The following HMCN2 variants were observed in gnomAD, a reference collection of about 807,000 sequenced individuals.
HMCN2 encodes hemicentin 2.
HMCN2 carries 325 observed loss-of-function variants against 377.5 expected under a neutral mutation model. The observed-to-expected ratio is 0.86, with a 90% CI of 0.79 to 0.94. The LOEUF (loss-of-function observed/expected upper bound fraction) is 0.94, where lower values mean the gene tolerates loss of function less well. HMCN2 is among the 40% of genes least tolerant of loss of function. The probability of loss-of-function intolerance (pLI) is 0.00; values close to 1 mark genes in which losing one functional copy is unlikely to be tolerated. For missense variants in HMCN2, 4,543 were observed against 4,725.3 expected, an observed-to-expected ratio of 0.96 and a Z score of 1.13; for synonymous variants, 2,007 against 2,046.8, an observed-to-expected ratio of 0.98 and a Z score of 0.53.
chr9:130,315,611 C>G (rs1429934653), intron 15 of HMCN2, among the ~76,000 whole-genome samples: 1 of 151,182 alleles, frequency 6.6e-6, no homozygotes, highest in Non-Finnish European at 1.5e-5. Context: ...CCCTGCCATC[C>G]TCGGGAGCCA....
At chr9:130,401,612 C>A (rs1842857644) in intron 77 of HMCN2, among the ~76,000 whole-genome samples, 1 of 152,118 alleles carries the variant, frequency 6.6e-6, no homozygotes, top group Non-Finnish European at 1.5e-5. Context: ...TGTGAGCCAC[C>A]ATGCCTGGCC....
chr9:130,376,522 C>G lies in HMCN2; in HGVS notation c.7925C>G (p.Pro2642Arg), dbSNP rs1445572478. ...KNYHVEVLIP[P>R]SISKDDPLAE... ...GACCCCTCGTGCTTTTCAGTCCCCC[C>G]TTCCATCTCCAAAGACGACCCCTTG... The change falls in exon 52 of 98, where the codon CCT becomes CGT. Residue 2642 changes from proline (P) to arginine (R), a missense_variant. Pro to Arg is a moderately radical substitution (Grantham distance 103). Around this residue, in one of 5 missense-constraint regions of HMCN2, gnomAD observed 736 missense variants for 773.2 expected, o/e 0.95. Coordinates refer to ENST00000683500, the MANE Select transcript of HMCN2 (RefSeq NM_001291815.2). The G allele has an allele frequency of 1.0e-6, 1 of 985,798 alleles. No individual in the cohort carries two copies. Among genetic ancestry groups the G allele is most frequent in the Non-Finnish European group, 1.2e-6 (1 of 830,000 alleles). The allele number at this position is 985,798 out of a possible 1,614,324, so 61.1% of individuals were successfully genotyped here.
chr9:130,386,193 T>G (rs1351390604), intron 60 of HMCN2, among the ~76,000 whole-genome samples: 1 of 152,164 alleles, frequency 6.6e-6, no homozygotes, highest in East Asian at 1.9e-4. Context: ...AAGGGGGACC[T>G]CTTCCTGCCA....
chr9:130,388,414 C>T lies in HMCN2; in HGVS notation c.9397C>T (p.Pro3133Ser), dbSNP rs1243572481. The part of the protein sequence containing the change: ...RTFTLTVQVP[P>S]TFENPKTETV... Reference sequence around the variant, plus strand: ...GTCTGGCTTTCTTCCTGCAGTGCCCCCAACATTTGAGAACCCCAAGACAGA... The same window carrying T: ...GTCTGGCTTTCTTCCTGCAGTGCCCTCAACATTTGAGAACCCCAAGACAGA... The change falls in exon 62 of 98, where the codon CCA (proline) becomes TCA (serine). Residue 3133 changes from proline to serine, a missense_variant. Around this residue, in one of 5 missense-constraint regions of HMCN2, gnomAD observed 736 missense variants for 773.2 expected, o/e 0.95. Coordinates refer to ENST00000683500, the MANE Select transcript of HMCN2 (RefSeq NM_001291815.2). 2 of 987,820 alleles carry T rather than the reference C, an allele frequency of 2.0e-6. No homozygotes were observed. Among genetic ancestry groups the T allele is most frequent in the Non-Finnish European group, 2.4e-6 (2 of 830,114 alleles). 61.2% of individuals were successfully genotyped at this position (987,820 alleles called of 1,614,324 possible). A position where few individuals can be genotyped will look rare whatever the true frequency, so the allele number is the denominator to read the frequency against.
chr9:130,341,122 G>A lies in HMCN2; in HGVS notation c.3499G>A (p.Val1167Met), dbSNP rs1839024324. 6.6e-6 allele frequency: 1 copy of A among 152,594 alleles called. No homozygotes were observed. The highest frequency in any genetic ancestry group is 2.1e-4 in the South Asian group (1 of 4,838). The allele number at this position is 152,594 out of a possible 1,614,324, so 9.5% of individuals were successfully genotyped here. A position where few individuals can be genotyped will look rare whatever the true frequency, so the allele number is the denominator to read the frequency against. The change falls in exon 24 of 98, where the codon GTG (valine) becomes ATG (methionine). Residue 1167 changes from valine (V) to methionine (M), a missense_variant. Physicochemically the swap from Val to Met is conservative, Grantham distance 21. Coordinates refer to ENST00000683500, the MANE Select transcript of HMCN2 (RefSeq NM_001291815.2). Reference protein sequence around the residue: ...YVLGVQVPPQVQPGPRVLKVL... With the variant: ...YVLGVQVPPQMQPGPRVLKVL... ...CTGTGGCCCCTCAGTCCCCCCTCAG[G>A]TGCAGCCAGGCCCTCGGGTTCTGAA...
At chr9:130,283,263 T>A (rs1554926374) in intron 1 of HMCN2, among the ~76,000 whole-genome samples, 2 of 151,822 alleles carry the variant, frequency 1.3e-5, no homozygotes, top group African/African-American at 4.8e-5. Flanking sequence ...TTACTGCTAT[T>A]TTTTAAAAAA....
In HMCN2 at chr9:130,354,891, C is replaced by G; in HGVS notation, c.4993C>G (p.Leu1665Val). Residue 1665 changes from leucine (L) to valine (V), a missense_variant, in exon 32 of 98, where the codon CTG becomes GTG. By Grantham distance (32) the Leu-to-Val change is conservative. Coordinates refer to ENST00000683500, the MANE Select transcript of HMCN2 (RefSeq NM_001291815.2). ...CACCCTCTCCTGGCACCACGAGGGG[C>G]TGCCCGTGGCAGAGAGCAACGAGTC... ...SPTLSWHHEGLPVAESNESRL... is the reference protein window; with the variant it reads ...SPTLSWHHEGVPVAESNESRL... 1 of 1,304,292 alleles carries G rather than the reference C, an allele frequency of 7.7e-7. No individual in the cohort carries two copies. The highest frequency in any genetic ancestry group is 1.0e-6 in the Non-Finnish European group (1 of 988,954). 80.8% of individuals were successfully genotyped at this position (1,304,292 alleles called of 1,614,324 possible).
chr9:130,271,877 T>C (rs1554921272), intron 1 of HMCN2, among the ~76,000 whole-genome samples: 1 of 149,434 alleles, frequency 6.7e-6, no homozygotes, highest in African/African-American at 2.4e-5. Context: ...TAATCATCCG[T>C]GTCTATATTA....
At chr9:130,396,119 C>T in intron 72 of HMCN2, 50 bp from the exon 73 acceptor site, 11 of 1,243,834 alleles carry the variant, frequency 8.8e-6, no homozygotes, top group African/African-American at 1.5e-5. Context: ...CCCTGCCCAC[C>T]CCCTTAGAGC....
chr9:130,349,440 G>C, intron 28 of HMCN2, 97 bp from the exon 29 acceptor site: 1 of 1,214,746 alleles, frequency 8.2e-7, no homozygotes, highest in South Asian at 1.5e-5. Context: ...TAGGAGGGGG[G>C]CCCAGGCTGG....
intron 59 of HMCN2, among the ~76,000 whole-genome samples, chr9:130,385,128 C>T (rs368495898): frequency 2.0e-5 from 3 of 152,132 alleles, no homozygotes; most frequent in African/African-American, 4.8e-5. Flanking sequence ...TTTCTAGCCC[C>T]GGGGCTGGTC....
chr9:130,294,126 G>A (rs1835969838), intron 4 of HMCN2, among the ~76,000 whole-genome samples: 1 of 152,160 alleles, frequency 6.6e-6, no homozygotes, highest in African/African-American at 2.4e-5. Flanking sequence ...ATAAGTTTGT[G>A]CTCAGTTTGT....
At position 130,385,713 on chromosome 9, in the gene HMCN2, G is replaced by A. The variant is rs991813173; in HGVS notation, c.9260G>A (p.Arg3087Gln). 4.1e-5 allele frequency: 53 copies of A among 1,304,076 alleles called. No individual in the cohort carries two copies. Among genetic ancestry groups the A allele is most frequent in the African/African-American group, 1.5e-4 (10 of 65,838 alleles). 80.8% of individuals were successfully genotyped at this position (1,304,076 alleles called of 1,614,324 possible). ...GGGCAGCCCCTGGTCCTGGCACAGC[G>A]GACCCAGGCTCTGCGGGGTGGGCAG... is the stretch of plus-strand genomic sequence containing the variant. ...KDGQPLVLAQ[R>Q]TQALRGGQRL... The change falls in exon 60 of 98, where the codon CGG (arginine) becomes CAG (glutamine). Residue 3087 changes from arginine (R) to glutamine (Q), a missense_variant. Arg to Gln is a conservative substitution (Grantham distance 43). This residue lies in a region of HMCN2 where 736 missense variants were observed against 773.2 expected (regional missense o/e 0.95). Coordinates refer to ENST00000683500, the MANE Select transcript of HMCN2 (RefSeq NM_001291815.2).
intron 62 of HMCN2, among the ~76,000 whole-genome samples, chr9:130,390,358 C>A (rs1314943141): frequency 6.6e-6 from 1 of 152,192 alleles, no homozygotes; most frequent in Non-Finnish European, 1.5e-5. Context: ...TTGTGAACTC[C>A]TTGAGGACAG....
Position 130,402,824 on chromosome 9 carries a change from G to T in HMCN2, c.11806G>T (p.Ala3936Ser), listed in dbSNP as rs1352095078. 1 of 1,289,558 alleles carries T rather than the reference G, an allele frequency of 7.8e-7. No individual in the cohort carries two copies. 79.9% of individuals were successfully genotyped at this position (1,289,558 alleles called of 1,614,324 possible). The change falls in exon 78 of 98, where the codon GCA (alanine) becomes TCA (serine). Residue 3936 changes from alanine (A) to serine (S), a missense_variant. Ala to Ser is a moderately conservative substitution (Grantham distance 99). This residue lies in a region of HMCN2 where 1,073 missense variants were observed against 1,319.5 expected (regional missense o/e 0.81). Transcript: ENST00000683500. ...LEIGQALPIHAGRYTCSARNS... is the reference protein window; with the variant it reads ...LEIGQALPIHSGRYTCSARNS... ...GATCGGGCAGGCCCTCCCCATCCAC[G>T]CAGGCCGCTACACCTGCTCAGCCCG... is the stretch of plus-strand genomic sequence containing the variant.
At chr9:130,281,006 G>A (rs536726698) in intron 1 of HMCN2, among the ~76,000 whole-genome samples, 2 of 152,052 alleles carry the variant, frequency 1.3e-5, no homozygotes, top group Non-Finnish European at 2.9e-5. Flanking sequence ...AGGAGGCTGA[G>A]GCAGGAGAAT....
At chr9:130,329,200 G>C (rs1838295199) in intron 22 of HMCN2, among the ~76,000 whole-genome samples, 1 of 152,172 alleles carries the variant, frequency 6.6e-6, no homozygotes, top group African/African-American at 2.4e-5. Flanking sequence ...CCACTGATCT[G>C]CTTTCAGCCT....
chr9:130,318,343 T>A (rs1837675493), intron 15 of HMCN2, among the ~76,000 whole-genome samples: 3 of 128,582 alleles, frequency 2.3e-5, no homozygotes, highest in Admixed American at 2.2e-4. Flanking sequence ...ACTCAAAGGG[T>A]TAAAATAAAA....
Position 130,384,521 on chromosome 9 carries a change from C to T in HMCN2, c.8979C>T (p.Val2993=). ...AGGCCCTCTCCCTGGGTGAAGAGGTCTTCCTCCTGCCTGGTGGGTAAACTG... is the reference window on the plus strand; with the variant it reads ...AGGCCCTCTCCCTGGGTGAAGAGGTTTTCCTCCTGCCTGGTGGGTAAACTG... ...DSQALSLGEE[V]FLLPGTHTLQ... Residue 2993 remains valine (V), a synonymous_variant, in exon 58 of 98, where the codon GTC becomes GTT. Coordinates refer to ENST00000683500, the MANE Select transcript of HMCN2 (RefSeq NM_001291815.2). 3.8e-6 allele frequency: 5 copies of T among 1,304,282 alleles called. 1 individual carries two copies. In the South Asian group the frequency reaches 6.2e-5, roughly 16 times the overall value. 80.8% of individuals were successfully genotyped at this position (1,304,282 alleles called of 1,614,324 possible). A position where few individuals can be genotyped will look rare whatever the true frequency, so the allele number is the denominator to read the frequency against.
Sources: allele counts gnomAD v4.1 joint callset (sites outside exome capture counted in the v4.1 genomes callset), GRCh38; gene constraint gnomAD v4.1.1; regional missense constraint gnomAD v4.1.1; transcripts MANE v1.5; gene names NCBI Gene and HGNC (gene_info 2026-07-23, HGNC 2026-07-21).